Variants in AFG1L observed in about 807,000 individuals in gnomAD.
The protein encoded by AFG1L is AFG1-like ATPase.
Under a neutral mutation model 62.2 loss-of-function variants are expected in AFG1L, and 53 were observed. The observed-to-expected ratio is 0.85, with a 90% CI of 0.68 to 1.07. The LOEUF is 1.07. Ranked by LOEUF, AFG1L falls within the 50% of genes least tolerant of loss-of-function variation. AFG1L has a pLI of 0.00. For missense variants in AFG1L, 555 were observed against 590.5 expected (o/e 0.94, Z 0.62); for synonymous variants, 228 against 210.3 (o/e 1.08, Z -0.73).
chr6:108,461,019 C>T (rs943642949), intron 8 of AFG1L, among the ~76,000 whole-genome samples: 3 of 152,244 alleles, frequency 2.0e-5, no homozygotes, highest in African/African-American at 4.8e-5. Context: ...GTCTCAGCCT[C>T]TCATGTAGCT....
At chr6:108,489,775 T>A (rs1443816057) in intron 10 of AFG1L, among the ~76,000 whole-genome samples, 2 of 152,068 alleles carry the variant, frequency 1.3e-5, no homozygotes, top group African/African-American at 2.4e-5. Context: ...CAAACCAAAA[T>A]GCTACAGGTA....
intron 8 of AFG1L, among the ~76,000 whole-genome samples, chr6:108,464,954 A>G (rs140423587): frequency 6.6e-6 from 1 of 152,346 alleles, no homozygotes; most frequent in East Asian, 1.9e-4. Flanking sequence ...ATTACTCAGA[A>G]TGGAGCTGTT....
In AFG1L at chr6:108,355,104, CT is replaced by C. The variant is rs60493859; in HGVS notation, c.416-536del. On this transcript the variant is annotated intron_variant, in intron 3 of 12. Transcript: ENST00000368977. The stretch of plus-strand genomic sequence containing the variant: ...AATCTTTATATTTCATCTTTCTTCT[CT>C]TTTTTTTTTTTTTGTTTTGAGATGG... Among the ~76,000 whole-genome samples, 481 of 141,528 alleles carry C rather than the reference CT, an allele frequency of 3.4e-3. 1 individual carries two copies. The highest frequency in any genetic ancestry group is 0.012 in the East Asian group (60 of 4,880). 92.8% of individuals were successfully genotyped at this position (141,528 alleles called of 152,430 possible).
At chr6:108,472,470 T>A (rs1286173910) in intron 8 of AFG1L, among the ~76,000 whole-genome samples, 1 of 152,192 alleles carries the variant, frequency 6.6e-6, no homozygotes, top group African/African-American at 2.4e-5. Flanking sequence ...ACTATATATA[T>A]CAAAACATCA....
intron 10 of AFG1L, among the ~76,000 whole-genome samples, chr6:108,506,311 G>A (rs1040415400): frequency 1.3e-5 from 2 of 152,106 alleles, no homozygotes; most frequent in African/African-American, 4.8e-5. Context: ...AGGCTCAAAC[G>A]ATCCTCCTAC....
At chr6:108,500,458 A>G (rs1774150736) in intron 10 of AFG1L, among the ~76,000 whole-genome samples, 1 of 152,142 alleles carries the variant, frequency 6.6e-6, no homozygotes, top group Admixed American at 6.6e-5. Context: ...TTGATGTGTG[A>G]CATCTTGATC....
intron 6 of AFG1L, among the ~76,000 whole-genome samples, chr6:108,393,147 T>C (rs1781131919): frequency 6.6e-6 from 1 of 152,100 alleles, no homozygotes; most frequent in Admixed American, 6.6e-5. Flanking sequence ...GGAATCATAG[T>C]CAAGAACTCC....
chr6:108,414,194 C>A (rs945281846), intron 7 of AFG1L, among the ~76,000 whole-genome samples: 2 of 152,126 alleles, frequency 1.3e-5, no homozygotes, highest in African/African-American at 4.8e-5. Context: ...AATTCCTGGA[C>A]ACATACACCC....
chr6:108,484,115 A>T (rs1413925594), intron 10 of AFG1L, among the ~76,000 whole-genome samples: 6 of 152,200 alleles, frequency 3.9e-5, no homozygotes, highest in African/African-American at 1.4e-4. Context: ...TGGTGTTGGG[A>T]TGCCAACAGT....
Position 108,522,775 on chromosome 6 carries a change from T to G in AFG1L, c.*350T>G, listed in dbSNP as rs1775174040. 6.2e-6 allele frequency: 1 copy of G among 160,744 alleles called. No homozygotes were observed. Among genetic ancestry groups the G allele is most frequent in the Admixed American group, 6.2e-5 (1 of 16,156 alleles). The allele number at this position is 160,744 out of a possible 1,614,324, so 10.0% of individuals were successfully genotyped here. ...CGTCTGGATACCTTCAAGCTTTGGC[T>G]GCATGGTGGTGGCATGTTAGAAATA... On this transcript the variant is annotated 3_prime_UTR_variant, in exon 13 of 13. Transcript: ENST00000368977.
At chr6:108,388,496 T>C (rs1780875104) in intron 6 of AFG1L, among the ~76,000 whole-genome samples, 1 of 152,228 alleles carries the variant, frequency 6.6e-6, no homozygotes, top group Non-Finnish European at 1.5e-5. Context: ...TCTTTCCTGC[T>C]TTCTCCTGTG....
At chr6:108,390,423 C>T (rs1780998876) in intron 6 of AFG1L, among the ~76,000 whole-genome samples, 1 of 152,188 alleles carries the variant, frequency 6.6e-6, no homozygotes, top group African/African-American at 2.4e-5. Context: ...AGCTGCGTTC[C>T]TTTGGAGGGG....
chr6:108,390,239 C>T (rs1279480277), intron 6 of AFG1L, among the ~76,000 whole-genome samples: 1 of 152,182 alleles, frequency 6.6e-6, no homozygotes. Context: ...TAGGACTTCT[C>T]TACACTGGTT....
Position 108,390,935 on chromosome 6 carries a change from G to T in AFG1L, c.749-11061G>T, listed in dbSNP as rs556119246. On this transcript the variant is annotated intron_variant, in intron 6 of 12. Transcript: ENST00000368977. ...ATCACCCGTCTTCTGCGTCGCTCACGCTGGGAGCTGTAGACTGGAGGTGTT... is the reference window on the plus strand; with the variant it reads ...ATCACCCGTCTTCTGCGTCGCTCACTCTGGGAGCTGTAGACTGGAGGTGTT... Among the ~76,000 whole-genome samples the T allele has an allele frequency of 2.0e-4, 30 of 152,300 alleles. No individual in the cohort carries two copies. The South Asian group carries it at 3.7e-3, about 19-fold the overall frequency.
At chr6:108,458,812 T>A (rs1042172744) in intron 8 of AFG1L, among the ~76,000 whole-genome samples, 4 of 152,172 alleles carry the variant, frequency 2.6e-5, no homozygotes, top group Admixed American at 6.5e-5. Flanking sequence ...GCTTTTTTTT[T>A]ATTGTGTTTC....
intron 7 of AFG1L, among the ~76,000 whole-genome samples, chr6:108,402,345 C>T (rs565080229): frequency 3.7e-5 from 3 of 80,806 alleles, no homozygotes; most frequent in Non-Finnish European, 6.5e-5. Context: ...CACCTGTAAT[C>T]CCAGCTACTT....
intron 4 of AFG1L, among the ~76,000 whole-genome samples, chr6:108,355,989 A>G (rs1182803500): frequency 6.6e-6 from 1 of 152,184 alleles, no homozygotes; most frequent in East Asian, 1.9e-4. Context: ...TATGAAGCTC[A>G]GGCATTTTCT....
At chr6:108,313,063 G>A (rs1454674096) in intron 1 of AFG1L, among the ~76,000 whole-genome samples, 1 of 152,180 alleles carries the variant, frequency 6.6e-6, no homozygotes, top group Admixed American at 6.5e-5. Flanking sequence ...GACTTTGCCA[G>A]AAGCTAACTT....
chr6:108,298,742 C>G (rs1776864163), intron 1 of AFG1L, among the ~76,000 whole-genome samples: 1 of 152,086 alleles, frequency 6.6e-6, no homozygotes, highest in African/African-American at 2.4e-5. Context: ...GGAAGTTTCT[C>G]AGGAATAGAA....
Sources: allele counts gnomAD v4.1 joint callset (sites outside exome capture counted in the v4.1 genomes callset), GRCh38; gene constraint gnomAD v4.1.1; transcripts MANE v1.5; gene names NCBI Gene and HGNC (gene_info 2026-07-23, HGNC 2026-07-21).